The following CUL3 variants were observed in gnomAD, a reference collection of about 807,000 sequenced individuals.
CUL3 encodes the protein cullin-3.
Under a neutral mutation model 89.1 loss-of-function variants are expected in CUL3, and 19 were observed. The observed-to-expected ratio is 0.21, with a 90% CI of 0.15 to 0.31. The LOEUF is 0.31. Among genes scored for constraint, CUL3 ranks in the 10% least tolerant of loss-of-function variants. The probability of loss-of-function intolerance (pLI) is 1.00; values close to 1 mark genes in which losing one functional copy is unlikely to be tolerated. For missense variants in CUL3, 469 were observed against 942.3 expected (o/e 0.50, Z 6.58); for synonymous variants, 351 against 308.4 (o/e 1.14, Z -1.45).
At chr2:224,534,168 A>G (rs1693794580) in intron 3 of CUL3, among the ~76,000 whole-genome samples, 2 of 152,256 alleles carry the variant, frequency 1.3e-5, no homozygotes, top group Non-Finnish European at 2.9e-5. Flanking sequence ...TAATGAATCT[A>G]GCGTCATTCT....
chr2:224,540,729 C>T (rs1694072488), intron 2 of CUL3, among the ~76,000 whole-genome samples: 1 of 152,146 alleles, frequency 6.6e-6, no homozygotes, highest in Non-Finnish European at 1.5e-5. Flanking sequence ...ACGTGCAGAA[C>T]GTGCAGGTTT....
At chr2:224,476,149 G>A (rs1341593384) in intron 15 of CUL3, among the ~76,000 whole-genome samples, 1 of 151,650 alleles carries the variant, frequency 6.6e-6, no homozygotes, top group Non-Finnish European at 1.5e-5. Context: ...TCAGCCTCCC[G>A]AGTAGTTGGG....
At chr2:224,557,045 A>C (rs1694734064) in intron 2 of CUL3, among the ~76,000 whole-genome samples, 1 of 152,154 alleles carries the variant, frequency 6.6e-6, no homozygotes, top group Non-Finnish European at 1.5e-5. Context: ...TGACAATCTT[A>C]AAGCAAGGCA....
At chr2:224,536,157 G>C (rs2106265583) in intron 2 of CUL3, among the ~76,000 whole-genome samples, 1 of 152,078 alleles carries the variant, frequency 6.6e-6, no homozygotes, top group South Asian at 2.1e-4. Flanking sequence ...TTGTAGGATT[G>C]TTTTAAGAAC....
chr2:224,563,547 C>T (rs571353842), intron 1 of CUL3, among the ~76,000 whole-genome samples: 1 of 152,324 alleles, frequency 6.6e-6, no homozygotes, highest in East Asian at 1.9e-4. Flanking sequence ...CTCCTATCTA[C>T]AGTTTCACCT....
chr2:224,570,432 T>C (rs937058163), intron 1 of CUL3, among the ~76,000 whole-genome samples: 2 of 152,188 alleles, frequency 1.3e-5, no homozygotes, highest in Admixed American at 6.5e-5. Context: ...TGTGGGGTAA[T>C]TAAGAAAGTC....
chr2:224,478,349 A>T lies in CUL3; in HGVS notation c.2030-4T>A, dbSNP rs746978352. 5.0e-6 allele frequency: 8 copies of T among 1,604,662 alleles called. No homozygotes were observed. The South Asian group carries it at 6.7e-5, about 14-fold the overall frequency. On this transcript the variant is annotated splice_region_variant and splice_polypyrimidine_tract_variant and intron_variant, in intron 14 of 15. Coordinates refer to ENST00000264414, the MANE Select transcript of CUL3 (RefSeq NM_003590.5). ...GATTCACCTTGTTTGGCAGCAACTA[A>T]AATAGAAATAAAGACATTTATCATA...
In CUL3 at chr2:224,472,244, CAAT is replaced by C. The variant is rs1177072266; in HGVS notation, c.*1998_*2000del. 27 of 220,026 alleles carry C rather than the reference CAAT, an allele frequency of 1.2e-4. No homozygotes were observed. The highest frequency in any genetic ancestry group is 2.0e-4 in the Non-Finnish European group (22 of 109,910). The allele number at this position is 220,026 out of a possible 1,614,324, so 13.6% of individuals were successfully genotyped here. On this transcript the variant is annotated 3_prime_UTR_variant, in exon 16 of 16. Transcript: ENST00000264414. ...CTGATTTTTACAGCCACACTTGAGA[CAAT>C]GACGTAAACTTAAACTTTACTTTTA...
chr2:224,541,308 A>T (rs755259072), intron 2 of CUL3, among the ~76,000 whole-genome samples: 6 of 152,204 alleles, frequency 3.9e-5, no homozygotes, highest in African/African-American at 7.2e-5. Context: ...ACCAAAGAGG[A>T]TATACAGATG....
intron 14 of CUL3, chr2:224,478,609 A>G: frequency 3.3e-6 from 1 of 304,394 alleles, no homozygotes; most frequent in Non-Finnish European, 6.0e-6. Context: ...TACCTGGAAG[A>G]AAAACAGTAG....
chr2:224,566,678 A>G (rs1237515388), intron 1 of CUL3, among the ~76,000 whole-genome samples: 2 of 152,146 alleles, frequency 1.3e-5, no homozygotes, highest in Admixed American at 6.5e-5. Flanking sequence ...GTATCAAACC[A>G]TCCTTTGCTG....
intron 3 of CUL3, among the ~76,000 whole-genome samples, chr2:224,525,957 C>A (rs1318579161): frequency 6.6e-6 from 1 of 152,200 alleles, no homozygotes; most frequent in Non-Finnish European, 1.5e-5. Context: ...GTTTCAGGCA[C>A]CCATAAACCC....
chr2:224,481,109 A>C (rs936559812), intron 14 of CUL3, among the ~76,000 whole-genome samples: 33 of 152,152 alleles, frequency 2.2e-4, no homozygotes, highest in Non-Finnish European at 4.4e-4. Flanking sequence ...CATAATATAC[A>C]ATATAAATAA....
At chr2:224,583,768 A>G (rs1319485204) in intron 1 of CUL3, among the ~76,000 whole-genome samples, 2 of 152,202 alleles carry the variant, frequency 1.3e-5, no homozygotes, top group Non-Finnish European at 2.9e-5. Context: ...AAACTAAATC[A>G]CTTGACTCAA....
rs193201485 is a variant in CUL3, at chr2:224,471,855, T to C, written c.*2390A>G. 1 of 230,470 alleles carries C rather than the reference T, an allele frequency of 4.3e-6. No individual in the cohort carries two copies. Among genetic ancestry groups the C allele is most frequent in the East Asian group, 6.2e-5 (1 of 16,106 alleles). The allele number at this position is 230,470 out of a possible 1,614,324, so 14.3% of individuals were successfully genotyped here. On this transcript the variant is annotated 3_prime_UTR_variant, in exon 16 of 16. Coordinates refer to ENST00000264414, the MANE Select transcript of CUL3 (RefSeq NM_003590.5). ...ATTTTTGCAGTTGAAAAACTATGTA[T>C]CCACCCTCCTTAAAAGTCTTCTAAT...
intron 1 of CUL3, among the ~76,000 whole-genome samples, chr2:224,573,961 T>C (rs539392515): frequency 3.9e-5 from 6 of 152,256 alleles, no homozygotes; most frequent in Admixed American, 2.0e-4. Flanking sequence ...TGGAAAGGAA[T>C]TGGAGATGAA....
At chr2:224,579,323 C>A (rs75357144) in intron 1 of CUL3, among the ~76,000 whole-genome samples, 1 of 152,180 alleles carries the variant, frequency 6.6e-6, no homozygotes, top group Non-Finnish European at 1.5e-5. Flanking sequence ...ATAATTAATT[C>A]TCTGCTCAGT....
chr2:224,566,948 A>T (rs2106317174), intron 1 of CUL3, among the ~76,000 whole-genome samples: 1 of 152,308 alleles, frequency 6.6e-6, no homozygotes, highest in Admixed American at 6.5e-5. Flanking sequence ...TTACCTTGAA[A>T]TGGCAGGTAA....
At chr2:224,497,731 C>A in intron 12 of CUL3, 22 bp downstream of exon 12, 1 of 1,556,700 alleles carries the variant, frequency 6.4e-7, no homozygotes. Flanking sequence ...TTACTTAATA[C>A]GTTCAAACTA....
Sources: gnomAD v4.1 joint callset for allele counts (sites outside exome capture counted in the v4.1 genomes callset) on GRCh38, gnomAD v4.1.1 for gene constraint, MANE v1.5 for transcripts, NCBI Gene and HGNC (gene_info 2026-07-23, HGNC 2026-07-21) for gene names.